PPP1R9A: variants seen among roughly 807,000 people sequenced by gnomAD.
PPP1R9A encodes the protein protein phosphatase 1 regulatory subunit 9A, also known as neurabin-1.
In PPP1R9A, 59 loss-of-function variants were observed where a neutral mutation model predicts 141.9. That is an observed-to-expected ratio of 0.42 (90% CI 0.34 to 0.52). The LOEUF (loss-of-function observed/expected upper bound fraction) is 0.52, where lower values mean the gene tolerates loss of function less well. PPP1R9A is among the 20% of genes least tolerant of loss of function. The probability of loss-of-function intolerance (pLI) is 0.10; values close to 1 mark genes in which losing one functional copy is unlikely to be tolerated. For missense variants in PPP1R9A, 1,444 were observed against 1,611.9 expected, an observed-to-expected ratio of 0.90 and a Z score of 1.78; for synonymous variants, 500 against 569.7, an observed-to-expected ratio of 0.88 and a Z score of 1.74.
Position 95,161,900 on chromosome 7 carries a change from TG to T in PPP1R9A, c.1685del (p.Gly562GlufsTer7). On this transcript the variant is annotated frameshift_variant, in exon 5 of 20. Coordinates refer to ENST00000433360, the MANE Select transcript of PPP1R9A (RefSeq NM_001166160.2). LOFTEE classifies it high-confidence loss of function. ...TCAATGACCAGATTGTGGAAGTGGA[TG>T]GAATCAGCTTGGTGGGTGTGACACA... is the stretch of plus-strand genomic sequence containing the variant. ...QVNDQIVEVDGISLVGVTQNF... is the reference protein window; with the variant it reads ...QVNDQIVEVDXISLVGVTQNF... 1 of 1,610,788 alleles carries T rather than the reference TG, an allele frequency of 6.2e-7. No individual in the cohort carries two copies.
chr7:94,965,323 A>G (rs1798085781), intron 2 of PPP1R9A, among the ~76,000 whole-genome samples: 1 of 151,952 alleles, frequency 6.6e-6, no homozygotes, highest in South Asian at 2.1e-4. Flanking sequence ...CTTTAATTTA[A>G]TTAGGTCTCA....
chr7:95,203,430 T>C (rs1585225093), intron 6 of PPP1R9A, among the ~76,000 whole-genome samples: 1 of 152,328 alleles, frequency 6.6e-6, no homozygotes, highest in Non-Finnish European at 1.5e-5. Context: ...GCAATTATTA[T>C]GGTTGGCCTT....
At chr7:95,049,026 A>G (rs1232735682) in intron 2 of PPP1R9A, among the ~76,000 whole-genome samples, 1 of 152,166 alleles carries the variant, frequency 6.6e-6, no homozygotes, top group Non-Finnish European at 1.5e-5. Flanking sequence ...AAATAAAGCA[A>G]AAGAGAATAA....
intron 5 of PPP1R9A, among the ~76,000 whole-genome samples, chr7:95,178,756 T>C (rs547291205): frequency 5.3e-5 from 8 of 152,172 alleles, no homozygotes; most frequent in South Asian, 2.1e-4. Context: ...TAACTTTATG[T>C]GCATACACTA....
intron 2 of PPP1R9A, among the ~76,000 whole-genome samples, chr7:95,019,763 C>G (rs1805635767): frequency 6.6e-6 from 1 of 152,130 alleles, no homozygotes. Context: ...ATATATATCG[C>G]TGAAGTAAAT....
At position 94,910,808 on chromosome 7, in the gene PPP1R9A, G is replaced by T; in HGVS notation, c.695G>T (p.Gly232Val). The change falls in exon 2 of 20, where the codon GGG becomes GTG. Residue 232 changes from glycine to valine, a missense_variant. This residue lies in a region of PPP1R9A where 490 missense variants were observed against 521.1 expected (regional missense o/e 0.94). Coordinates refer to ENST00000433360, the MANE Select transcript of PPP1R9A (RefSeq NM_001166160.2). The surrounding 1 kb of genome is among the most constrained non-coding windows in gnomAD (Gnocchi z 4.5). ...KAENNEYSVT[G>V]HYPLNLPSVT... ...GAAAACAATGAATACTCAGTGACTGGGCATTATCCCTTGAATTTACCATCT... is the reference window on the plus strand; with the variant it reads ...GAAAACAATGAATACTCAGTGACTGTGCATTATCCCTTGAATTTACCATCT... 1 of 1,613,734 alleles carries T rather than the reference G, an allele frequency of 6.2e-7. No individual in the cohort carries two copies. Among genetic ancestry groups the T allele is most frequent in the Non-Finnish European group, 8.5e-7 (1 of 1,179,910 alleles).
intron 2 of PPP1R9A, among the ~76,000 whole-genome samples, chr7:94,984,588 A>G (rs1800560934): frequency 6.6e-6 from 1 of 152,002 alleles, no homozygotes; most frequent in South Asian, 2.1e-4. Context: ...GAATTTATCC[A>G]TTTCTTCCAG....
At chr7:95,044,959 G>A (rs1809792087) in intron 2 of PPP1R9A, among the ~76,000 whole-genome samples, 1 of 151,816 alleles carries the variant, frequency 6.6e-6, no homozygotes, top group African/African-American at 2.4e-5. Flanking sequence ...TCAGTAAAGG[G>A]CAATAAAAAT....
chr7:95,200,271 T>C (rs80197471), intron 6 of PPP1R9A, among the ~76,000 whole-genome samples: 5 of 144,946 alleles, frequency 3.4e-5, no homozygotes, highest in African/African-American at 1.3e-4. Flanking sequence ...ATTTTGCTCT[T>C]TTTTTTTTTT....
At chr7:95,247,273 A>T (rs1322443873) in intron 8 of PPP1R9A, among the ~76,000 whole-genome samples, 200 bp from the exon 9 acceptor site, 1 of 152,194 alleles carries the variant, frequency 6.6e-6, no homozygotes, top group Non-Finnish European at 1.5e-5. Context: ...GATGTTAGGG[A>T]GTATAGACCA....
intron 5 of PPP1R9A, chr7:95,174,882 G>A (rs1163878861): frequency 6.6e-6 from 1 of 152,096 alleles, no homozygotes; most frequent in African/African-American, 2.4e-5. Flanking sequence ...CATAGTTGGT[G>A]TACCTATTGT....
At chr7:95,129,909 G>T (rs1824277170) in intron 4 of PPP1R9A, among the ~76,000 whole-genome samples, 2 of 152,318 alleles carry the variant, frequency 1.3e-5, no homozygotes, top group South Asian at 4.1e-4. Context: ...GCTTCAAGAA[G>T]TGACTTAGGT....
At chr7:95,035,044 A>G (rs1405161345) in intron 2 of PPP1R9A, among the ~76,000 whole-genome samples, 4 of 152,186 alleles carry the variant, frequency 2.6e-5, no homozygotes, top group African/African-American at 9.6e-5. Flanking sequence ...CCACATATCA[A>G]TAACTCCTGA....
intron 5 of PPP1R9A, among the ~76,000 whole-genome samples, chr7:95,182,671 A>G (rs1834030553): frequency 6.6e-6 from 1 of 152,160 alleles, no homozygotes; most frequent in East Asian, 1.9e-4. Context: ...GAAATCATCC[A>G]CCATTGTGGA....
chr7:95,189,512 C>T (rs1214248353), intron 5 of PPP1R9A, among the ~76,000 whole-genome samples: 93 of 145,662 alleles, frequency 6.4e-4, no homozygotes, highest in Middle Eastern at 3.5e-3. Flanking sequence ...TCTCGGCTCA[C>T]TGCAAGCTCC....
intron 2 of PPP1R9A, among the ~76,000 whole-genome samples, chr7:95,095,889 A>G (rs544310740): frequency 4.3e-4 from 66 of 152,142 alleles, no homozygotes; most frequent in African/African-American, 1.5e-3. Flanking sequence ...TTTTCCCACC[A>G]TGTGATGTCT....
At chr7:94,968,212 G>A (rs1019843667) in intron 2 of PPP1R9A, among the ~76,000 whole-genome samples, 81 of 151,198 alleles carry the variant, frequency 5.4e-4, no homozygotes, top group African/African-American at 1.8e-3. Context: ...TCGCTCTGTC[G>A]CCCAGGCTGG....
chr7:95,144,241 G>A (rs1422611787), intron 4 of PPP1R9A, among the ~76,000 whole-genome samples: 3 of 152,120 alleles, frequency 2.0e-5, no homozygotes, highest in Admixed American at 6.6e-5. Flanking sequence ...ATGAGATCAT[G>A]CAGAATTTGT....
chr7:95,062,022 T>C (rs1812305150), intron 2 of PPP1R9A, among the ~76,000 whole-genome samples: 1 of 152,216 alleles, frequency 6.6e-6, no homozygotes, highest in African/African-American at 2.4e-5. Context: ...GGCAGTGTAA[T>C]TGAGGAGAAT....
Sources: allele counts gnomAD v4.1 joint callset (sites outside exome capture counted in the v4.1 genomes callset), GRCh38; gene constraint gnomAD v4.1.1; regional missense constraint gnomAD v4.1.1; non-coding constraint Gnocchi (gnomAD v3.1); transcripts MANE v1.5; gene names NCBI Gene and HGNC (gene_info 2026-07-23, HGNC 2026-07-21).